Variants in CDKAL1 observed in about 807,000 individuals in gnomAD.
CDKAL1 encodes the protein threonylcarbamoyladenosine tRNA methylthiotransferase.
In CDKAL1, 32 loss-of-function variants were observed where a neutral mutation model predicts 68.2. The ratio of observed to expected loss-of-function variants is 0.47; its 90% CI spans 0.35 to 0.63. The LOEUF (loss-of-function observed/expected upper bound fraction) is 0.63. Among genes scored for constraint, CDKAL1 ranks in the 30% least tolerant of loss-of-function variants. The pLI, the probability that CDKAL1 is intolerant of heterozygous loss-of-function variation, is 0.00. For synonymous variants in CDKAL1, 234 were observed against 244.3 expected (o/e 0.96, Z 0.39); for missense variants, 606 against 696.7 (o/e 0.87, Z 1.47).
chr6:20,762,016 G>T lies in CDKAL1; in HGVS notation c.517+3373G>T, dbSNP rs561278724. On this transcript the variant is annotated intron_variant, in intron 7 of 15. Coordinates refer to ENST00000274695, the MANE Select transcript of CDKAL1 (RefSeq NM_017774.3). ...TAGTTGGAGAGGCTGTGTGTGAAGT[G>T]GGGGCAGTGATATATAGAAACTGTA... Among the ~76,000 whole-genome samples the T allele has an allele frequency of 5.9e-5, 9 of 152,272 alleles. No homozygotes were observed. The South Asian group carries it at 1.9e-3, about 32-fold the overall frequency.
intron 5 of CDKAL1, among the ~76,000 whole-genome samples, chr6:20,706,600 G>T (rs1208813794): frequency 1.3e-5 from 2 of 152,118 alleles, no homozygotes; most frequent in Non-Finnish European, 2.9e-5. Flanking sequence ...TAGGGAGATG[G>T]AATACCATCA....
intron 4 of CDKAL1, among the ~76,000 whole-genome samples, chr6:20,553,906 T>C (rs1376877428): frequency 6.6e-6 from 1 of 150,666 alleles, no homozygotes; most frequent in East Asian, 2.0e-4. Context: ...GCCACCGTGC[T>C]CGGCCAGCTT....
intron 4 of CDKAL1, among the ~76,000 whole-genome samples, chr6:20,627,549 ATTGTT>A (rs1301947074): frequency 6.6e-6 from 1 of 152,060 alleles, no homozygotes; most frequent in Non-Finnish European, 1.5e-5. Context: ...TCTTTTCCGA[ATTGTT>A]TTGGCTATTT....
At chr6:20,739,407 T>A in intron 5 of CDKAL1, 112 bp from the exon 6 acceptor site, 1 of 592,160 alleles carries the variant, frequency 1.7e-6, no homozygotes, top group Non-Finnish European at 3.0e-6. Context: ...AAATCTTGTT[T>A]CATGTGAGAT....
intron 9 of CDKAL1, among the ~76,000 whole-genome samples, chr6:20,874,885 T>TA (rs1035631768): frequency 1.3e-5 from 2 of 152,070 alleles, no homozygotes; most frequent in African/African-American, 4.8e-5. Context: ...AAGGTAATGT[T>TA]AGACAAACAA....
chr6:20,639,374 C>A (rs572176283), intron 4 of CDKAL1, among the ~76,000 whole-genome samples: 2 of 152,080 alleles, frequency 1.3e-5, no homozygotes, highest in Admixed American at 6.5e-5. Flanking sequence ...ATACAAAGGG[C>A]CAGTTCATAC....
intron 8 of CDKAL1, among the ~76,000 whole-genome samples, chr6:20,804,905 T>A (rs1776504786): frequency 6.6e-6 from 1 of 152,210 alleles, no homozygotes; most frequent in East Asian, 1.9e-4. Flanking sequence ...CTAGTCATCA[T>A]AACTCTGTGA....
intron 12 of CDKAL1, among the ~76,000 whole-genome samples, chr6:21,075,880 T>A (rs951581588): frequency 3.3e-5 from 5 of 152,176 alleles, no homozygotes; most frequent in Non-Finnish European, 7.3e-5. Context: ...TATTGTGAAA[T>A]CTTTATATTA....
chr6:20,934,675 T>C (rs577849371), intron 9 of CDKAL1, among the ~76,000 whole-genome samples: 1 of 151,844 alleles, frequency 6.6e-6, no homozygotes, highest in Admixed American at 6.6e-5. Context: ...TGACACCCCA[T>C]CTCTACAAAA....
At chr6:20,718,540 T>A (rs1772197977) in intron 5 of CDKAL1, among the ~76,000 whole-genome samples, 1 of 152,074 alleles carries the variant, frequency 6.6e-6, no homozygotes, top group Non-Finnish European at 1.5e-5. Flanking sequence ...AAACTGGGGG[T>A]GAAAGAAAAG....
chr6:20,848,287 T>TTTTTTTTTTTGTTTG (rs372563354), intron 9 of CDKAL1, among the ~76,000 whole-genome samples: 5 of 59,284 alleles, frequency 8.4e-5, no homozygotes, highest in East Asian at 3.5e-4. Context: ...TTGTTTTTTT[T>TTTTTTTTTTTGTTTG]TTTTTTCCAA....
intron 15 of CDKAL1, among the ~76,000 whole-genome samples, chr6:21,205,747 G>A (rs1394075576): frequency 2.0e-5 from 3 of 149,660 alleles, no homozygotes; most frequent in Non-Finnish European, 4.4e-5. Context: ...TAGCCAGGAT[G>A]GTCTCGATCT....
In CDKAL1 at chr6:20,544,682, C is replaced by T. The variant is rs1156852055; in HGVS notation, c.-5-1664C>T. ...AAAATTGTTTTAAATATATTAGTTT[C>T]TGTACATTTCCATATAAAATTTAGG... On this transcript the variant is annotated intron_variant, in intron 2 of 15. Coordinates refer to ENST00000274695, the MANE Select transcript of CDKAL1 (RefSeq NM_017774.3). Among the ~76,000 whole-genome samples the T allele has an allele frequency of 4.7e-5, 7 of 148,506 alleles. No individual in the cohort carries two copies. In the East Asian group the frequency reaches 1.4e-3, roughly 29 times the overall value.
intron 12 of CDKAL1, among the ~76,000 whole-genome samples, chr6:21,099,171 A>G (rs1007098737): frequency 7.2e-5 from 11 of 152,140 alleles, no homozygotes; most frequent in Admixed American, 5.9e-4. Flanking sequence ...GGTGATTCCA[A>G]TTTGCAGCCA....
chr6:21,209,813 TG>T (rs1562119666), intron 15 of CDKAL1, among the ~76,000 whole-genome samples: 2 of 152,212 alleles, frequency 1.3e-5, no homozygotes, highest in Non-Finnish European at 2.9e-5. Flanking sequence ...CCCTGCAGGA[TG>T]GGACTAGGGA....
intron 5 of CDKAL1, among the ~76,000 whole-genome samples, chr6:20,663,980 A>T (rs1433106288): frequency 6.6e-6 from 1 of 152,182 alleles, no homozygotes; most frequent in Non-Finnish European, 1.5e-5. Flanking sequence ...TGAAAAAAAA[A>T]TGGAGAATTT....
intron 9 of CDKAL1, among the ~76,000 whole-genome samples, chr6:20,925,778 C>G (rs938992996): frequency 2.0e-5 from 3 of 151,956 alleles, no homozygotes; most frequent in Non-Finnish European, 4.4e-5. Context: ...TATCAATAGT[C>G]AAAATATCAA....
At chr6:21,059,496 C>T (rs1166492880) in intron 11 of CDKAL1, among the ~76,000 whole-genome samples, 2 of 152,240 alleles carry the variant, frequency 1.3e-5, no homozygotes, top group African/African-American at 4.8e-5. Flanking sequence ...AGCATGGTTT[C>T]CTGGATGGGG....
At chr6:20,550,772 G>A (rs960766717) in intron 4 of CDKAL1, among the ~76,000 whole-genome samples, 2 of 151,490 alleles carry the variant, frequency 1.3e-5, no homozygotes, top group Non-Finnish European at 2.9e-5. Context: ...CACTGACCCG[G>A]TGCTTTATGT....
Sources: gnomAD v4.1 joint callset for allele counts (sites outside exome capture counted in the v4.1 genomes callset) on GRCh38, gnomAD v4.1.1 for gene constraint, MANE v1.5 for transcripts, NCBI Gene and HGNC (gene_info 2026-07-23, HGNC 2026-07-21) for gene names.